Variants in AGPAT2 observed in about 807,000 individuals in gnomAD.
AGPAT2 encodes 1-acyl-sn-glycerol-3-phosphate acyltransferase beta.
Under a neutral mutation model 26.1 loss-of-function variants are expected in AGPAT2, and 18 were observed. The observed-to-expected ratio is 0.69, with a 90% CI of 0.48 to 1.02. AGPAT2 has a LOEUF of 1.02. Ranked by LOEUF, AGPAT2 falls within the 50% of genes least tolerant of loss-of-function variation. The probability of loss-of-function intolerance (pLI) is 0.00; values close to 1 mark genes in which losing one functional copy is unlikely to be tolerated. For missense variants in AGPAT2, 415 were observed against 394.9 expected, an observed-to-expected ratio of 1.05 and a Z score of -0.43; for synonymous variants, 200 against 174.2, an observed-to-expected ratio of 1.15 and a Z score of -1.16.
rs760265851 is a variant in AGPAT2 at position 136,687,351 on chromosome 9, G to A, written c.7C>T (p.Leu3=). The change falls in exon 1 of 6, where the codon CTG becomes TTG. Residue 3 remains leucine, a synonymous_variant. Transcript: ENST00000371696. ...AGCGCCGCGGCCAGACACGGCCACA[G>A]CTCCATGGCCCGGCCCGGCGCCCGA... ME[L]WPCLAAALLL... is the part of the protein sequence containing the mutation. 6.5e-7 allele frequency: 1 copy of A among 1,527,672 alleles called. No homozygotes were observed. The highest frequency in any genetic ancestry group is 8.7e-7 in the Non-Finnish European group (1 of 1,145,472). 94.6% of individuals were successfully genotyped at this position (1,527,672 alleles called of 1,614,324 possible).
At chr9:136,684,292 C>A (rs1182498084) in intron 1 of AGPAT2, among the ~76,000 whole-genome samples, 2 of 152,238 alleles carry the variant, frequency 1.3e-5, no homozygotes, top group Admixed American at 1.3e-4. Context: ...CACGGAGCCG[C>A]TCTGGGCTTT....
intron 5 of AGPAT2, 45 bp downstream of exon 5, chr9:136,674,690 G>T (rs1846066595): frequency 8.3e-6 from 11 of 1,332,752 alleles, no homozygotes; most frequent in Non-Finnish European, 1.1e-5. Context: ...CGTGACTGTA[G>T]GGTCAGGCGG....
rs1261475094 is a variant in AGPAT2, at chr9:136,676,979, C to T, written c.474G>A (p.Glu158=). ...TAMTVMADLG[E]RMVRENLKVW... ...CACTCACGTTCTCCCTGACCATGCG[C>T]TCGCCCAGGTCGGCCATCACTGTCA... The change falls in exon 3 of 6, where the codon GAG becomes GAA. Residue 158 remains glutamate (E), a synonymous_variant. Coordinates refer to ENST00000371696, the MANE Select transcript of AGPAT2 (RefSeq NM_006412.4). The T allele has an allele frequency of 6.2e-7, 1 of 1,611,712 alleles. No homozygotes were observed. Among genetic ancestry groups the T allele is most frequent in the African/African-American group, 1.3e-5 (1 of 74,702 alleles).
intron 5 of AGPAT2, 119 bp from the exon 6 acceptor site, chr9:136,674,046 G>A (rs530362355): frequency 6.6e-5 from 68 of 1,024,264 alleles, no homozygotes; most frequent in Non-Finnish European, 8.5e-5. Context: ...GCCCGAGGCC[G>A]GGCTCTTCCC....
Position 136,673,534 on chromosome 9 carries a change from T to C in AGPAT2, c.*218A>G, listed in dbSNP as rs371672236. On this transcript the variant is annotated 3_prime_UTR_variant, in exon 6 of 6. Transcript: ENST00000371696. Reference sequence around the variant, plus strand: ...GTGCCGTGGGCGCGAGTCCCTGCCCTCGAGCCCGGGGAGGGTCCAGCTGAG... The same window carrying C: ...GTGCCGTGGGCGCGAGTCCCTGCCCCCGAGCCCGGGGAGGGTCCAGCTGAG... 1 of 442,732 alleles carries C rather than the reference T, an allele frequency of 2.3e-6. No homozygotes were observed. The highest frequency in any genetic ancestry group is 3.9e-6 in the Non-Finnish European group (1 of 258,700). The allele number at this position is 442,732 out of a possible 1,614,324, so 27.4% of individuals were successfully genotyped here.
intron 1 of AGPAT2, among the ~76,000 whole-genome samples, chr9:136,680,911 C>A (rs1846151224): frequency 1.3e-5 from 2 of 152,178 alleles, no homozygotes; most frequent in South Asian, 4.1e-4. Context: ...ATGATCCGCC[C>A]GCCTCGGCCT....
At position 136,676,644 on chromosome 9, in the gene AGPAT2, C is replaced by A; in HGVS notation, c.529G>T (p.Asp177Tyr). The A allele has an allele frequency of 1.2e-6, 2 of 1,613,486 alleles. No individual in the cohort carries two copies. Among genetic ancestry groups the A allele is most frequent in the South Asian group, 2.2e-5 (2 of 91,026 alleles). Reference sequence around the variant, plus strand: ...TTAAAAGGCAGCAGGTCCCCATTGTCGTTGCGAGTACCCTCGGGATAGATC... The same window carrying A: ...TTAAAAGGCAGCAGGTCCCCATTGTAGTTGCGAGTACCCTCGGGATAGATC... ...VWIYPEGTRN[D>Y]NGDLLPFKKG... The change falls in exon 4 of 6, where the codon GAC (aspartate) becomes TAC (tyrosine). Residue 177 changes from aspartate (D) to tyrosine (Y), a missense_variant. Transcript: ENST00000371696.
chr9:136,686,640 G>A (rs1298968415), intron 1 of AGPAT2, among the ~76,000 whole-genome samples: 1 of 152,196 alleles, frequency 6.6e-6, no homozygotes, highest in Non-Finnish European at 1.5e-5. Context: ...ACCTCCCTGC[G>A]AAGAGGAAAG....
chr9:136,682,063 A>G (rs1846167692), intron 1 of AGPAT2, among the ~76,000 whole-genome samples: 1 of 152,202 alleles, frequency 6.6e-6, no homozygotes, highest in African/African-American at 2.4e-5. Flanking sequence ...TTCAAGGTTC[A>G]GCAAAGTTAA....
intron 1 of AGPAT2, among the ~76,000 whole-genome samples, chr9:136,681,529 G>GT (rs1163792283): frequency 6.6e-6 from 1 of 152,184 alleles, no homozygotes; most frequent in East Asian, 1.9e-4. Context: ...CTGGATGGGC[G>GT]GGTGGCTCAC....
chr9:136,675,858 G>A (rs1393079365), intron 4 of AGPAT2, among the ~76,000 whole-genome samples: 1 of 152,190 alleles, frequency 6.6e-6, no homozygotes, highest in Non-Finnish European at 1.5e-5. Context: ...GGGAGCCTCT[G>A]GAAGGAGGGC....
Position 136,687,209 on chromosome 9 carries a change from A to T in AGPAT2, c.149T>A (p.Leu50Gln). 6.3e-7 allele frequency: 1 copy of T among 1,591,232 alleles called. No individual in the cohort carries two copies. Among genetic ancestry groups the T allele is most frequent in the Non-Finnish European group, 8.5e-7 (1 of 1,173,568 alleles). ...CTCCACCGTCCGGCCGCCGTGGCGC[A>T]GCAGGCAGACGAGCGAGGCCACGGC... ...VSAVASLVCLLRHGGRTVENM... is the reference protein window; with the variant it reads ...VSAVASLVCLQRHGGRTVENM... Residue 50 changes from leucine (L) to glutamine (Q), a missense_variant, in exon 1 of 6, where the codon CTG becomes CAG. Coordinates refer to ENST00000371696, the MANE Select transcript of AGPAT2 (RefSeq NM_006412.4).
intron 5 of AGPAT2, among the ~76,000 whole-genome samples, chr9:136,674,423 C>T (rs1481977079): frequency 6.6e-6 from 1 of 152,246 alleles, no homozygotes; most frequent in African/African-American, 2.4e-5. Flanking sequence ...GGGCATCAGC[C>T]TGGACACATG....
intron 1 of AGPAT2, among the ~76,000 whole-genome samples, chr9:136,681,273 G>A (rs1016708678): frequency 2.4e-4 from 36 of 152,322 alleles, no homozygotes; most frequent in African/African-American, 7.5e-4. Flanking sequence ...ACAGATGGAC[G>A]GACGGAGGCT....
chr9:136,674,762 T>C lies in AGPAT2; in HGVS notation c.634A>G (p.Asn212Asp). 1 of 1,525,438 alleles carries C rather than the reference T, an allele frequency of 6.6e-7. No homozygotes were observed. Among genetic ancestry groups the C allele is most frequent in the South Asian group, 1.3e-5 (1 of 78,196 alleles). 94.5% of individuals were successfully genotyped at this position (1,525,438 alleles called of 1,614,324 possible). A position where few individuals can be genotyped will look rare whatever the true frequency, so the allele number is the denominator to read the frequency against. ...GAAGTGAAGAACTTCTTCTTGGTGT[T>C]GTAGAAGGAGGAGAAGGAAGAGTAC... is the stretch of plus-strand genomic sequence containing the variant. ...VVYSSFSSFY[N>D]TKKKFFTSGT... The change falls in exon 5 of 6, where the codon AAC (asparagine) becomes GAC (aspartate). Residue 212 changes from asparagine to aspartate, a missense_variant. Transcript: ENST00000371696.
At chr9:136,673,960 T>C in intron 5 of AGPAT2, 33 bp from the exon 6 acceptor site, 1 of 1,466,216 alleles carries the variant, frequency 6.8e-7, no homozygotes. Context: ...CAGTGGCCTG[T>C]GGGGAGCTGG....
At chr9:136,677,649 G>C in intron 1 of AGPAT2, 93 bp from the exon 2 acceptor site, 5 of 1,505,158 alleles carry the variant, frequency 3.3e-6, no homozygotes, top group Non-Finnish European at 4.6e-6. Context: ...GAGGAGGCTG[G>C]GGAGGGGCCC....
intron 1 of AGPAT2, among the ~76,000 whole-genome samples, chr9:136,680,372 G>A (rs1378941289): frequency 2.0e-5 from 3 of 152,162 alleles, no homozygotes; most frequent in Non-Finnish European, 2.9e-5. Flanking sequence ...GATTACAGGT[G>A]CCTGCCACCA....
intron 1 of AGPAT2, 88 bp downstream of exon 1, chr9:136,687,088 G>A: frequency 2.8e-6 from 4 of 1,417,946 alleles, no homozygotes; most frequent in Non-Finnish European, 3.8e-6. Context: ...GACGGGCGGG[G>A]CAGGAAGGAG....
Sources: gnomAD v4.1 joint callset for allele counts (sites outside exome capture counted in the v4.1 genomes callset) on GRCh38, gnomAD v4.1.1 for gene constraint, MANE v1.5 for transcripts, NCBI Gene and HGNC (gene_info 2026-07-23, HGNC 2026-07-21) for gene names.